The following MYLK4 variants were observed in gnomAD, a reference collection of about 807,000 sequenced individuals.
MYLK4 encodes the protein myosin light chain kinase family member 4, also known as caMLCK like.
Under a neutral mutation model 48.1 loss-of-function variants are expected in MYLK4, and 46 were observed. The ratio of observed to expected loss-of-function variants is 0.96; its 90% confidence interval spans 0.75 to 1.22. The LOEUF is 1.22. MYLK4 is among the 50% of genes most tolerant of loss of function. The pLI is 0.00. For synonymous variants in MYLK4, 170 were observed against 180.8 expected (o/e 0.94, Z 0.48); for missense variants, 451 against 486.1 (o/e 0.93, Z 0.68).
the MYLK4 span, among the ~76,000 whole-genome samples, chr6:2,759,738 A>G: frequency 6.6e-6 from 1 of 152,232 alleles, no homozygotes; most frequent in African/African-American, 2.4e-5. Context: ...TGTTTTTACC[A>G]TTCAACATGA....
the MYLK4 span, among the ~76,000 whole-genome samples, chr6:2,763,406 G>T: frequency 6.6e-6 from 1 of 152,232 alleles, no homozygotes; most frequent in African/African-American, 2.4e-5. Flanking sequence ...TCTCAGGGAG[G>T]CTTGGGCCGC....
chr6:2,763,802 A>T, the MYLK4 span, among the ~76,000 whole-genome samples: 46,784 of 151,806 alleles, frequency 0.31, 7,373 homozygotes, highest in East Asian at 0.41. Context: ...GCGAGGACTG[A>T]GAGGGCTGCC....
intron 7 of MYLK4, among the ~76,000 whole-genome samples, chr6:2,682,183 T>C (rs1439510483): frequency 6.6e-6 from 1 of 152,200 alleles, no homozygotes; most frequent in African/African-American, 2.4e-5. Context: ...TGGGATGTTA[T>C]ATAGATTGTA....
At chr6:2,768,779 A>T in the MYLK4 span, 1 of 1,614,050 alleles carries the variant, frequency 6.2e-7, no homozygotes, top group Admixed American at 1.7e-5. Context: ...AAGACAAATG[A>T]TGTGCGAGAT....
At chr6:2,766,099 G>C in the MYLK4 span, 1 of 1,317,928 alleles carries the variant, frequency 7.6e-7, no homozygotes, top group Non-Finnish European at 9.6e-7. Flanking sequence ...GCTGGGACGA[G>C]GCGGAGGCGC....
intron 10 of MYLK4, among the ~76,000 whole-genome samples, chr6:2,676,565 A>AC (rs748506781): frequency 7.9e-5 from 12 of 152,208 alleles, no homozygotes; most frequent in Non-Finnish European, 1.5e-4. Flanking sequence ...TTATTTCTGT[A>AC]CCCCAGAAAT....
the MYLK4 span, among the ~76,000 whole-genome samples, chr6:2,764,685 T>G: frequency 2.4e-4 from 36 of 152,290 alleles, no homozygotes; most frequent in African/African-American, 7.7e-4. Flanking sequence ...CATCATTTGG[T>G]TGCTAAGGAG....
intron 12 of MYLK4, among the ~76,000 whole-genome samples, chr6:2,669,336 G>A (rs1183519232): frequency 1.3e-5 from 2 of 152,202 alleles, no homozygotes; most frequent in Non-Finnish European, 2.9e-5. Context: ...CCATCGCTTC[G>A]TAGGCTGCTG....
the MYLK4 span, chr6:2,765,770 C>A: frequency 8.2e-6 from 12 of 1,465,378 alleles, no homozygotes; most frequent in Middle Eastern, 2.3e-4. Flanking sequence ...GCACGCGGAG[C>A]CCGCGGCCGG....
intron 6 of MYLK4, among the ~76,000 whole-genome samples, chr6:2,683,391 T>TTTTTTTTTTTTTGTG (rs556476421): frequency 7.9e-6 from 1 of 126,584 alleles, no homozygotes. Context: ...CCCCACCTTT[T>TTTTTTTTTTTTTGTG]TGTGTGTGTG....
intron 2 of MYLK4, among the ~76,000 whole-genome samples, chr6:2,737,982 G>GGC: frequency 1.7e-5 from 1 of 60,048 alleles, no homozygotes; most frequent in Non-Finnish European, 4.2e-5. Context: ...GGGGGCGGGT[G>GGC]GGGGGGGGGT....
Position 2,685,576 on chromosome 6 carries a change from T to C in MYLK4, c.342A>G (p.Gly114=). The C allele has an allele frequency of 6.2e-7, 1 of 1,614,094 alleles. No homozygotes were observed. The highest frequency in any genetic ancestry group is 8.5e-7 in the Non-Finnish European group (1 of 1,180,004). ...YTVSKTEILG[G]GRFGQVHKCE... ...ACTTGTGAACCTGGCCGAAACGCCC[T>C]CTGCCAAAAAGAGGAAGCGGCGTAG... The change falls in exon 5 of 13, where the codon GGA becomes GGG. Residue 114 remains glycine, a splice_region_variant and synonymous_variant. Coordinates refer to ENST00000274643, the MANE Select transcript of MYLK4 (RefSeq NM_001012418.5). The surrounding 1 kb of genome is among the most constrained non-coding windows in gnomAD (Gnocchi z 4.5).
At chr6:2,761,881 A>G in the MYLK4 span, among the ~76,000 whole-genome samples, 1 of 152,168 alleles carries the variant, frequency 6.6e-6, no homozygotes, top group Non-Finnish European at 1.5e-5. Flanking sequence ...CACAAGTAGA[A>G]AAAGGAAATG....
At chr6:2,740,111 C>A (rs1411392053) in intron 2 of MYLK4, among the ~76,000 whole-genome samples, 1 of 152,200 alleles carries the variant, frequency 6.6e-6, no homozygotes, top group Non-Finnish European at 1.5e-5. Context: ...GTTCAAAGCC[C>A]AGCTCTTTTG....
chr6:2,712,780 C>T (rs1762721483), intron 2 of MYLK4, among the ~76,000 whole-genome samples: 1 of 152,130 alleles, frequency 6.6e-6, no homozygotes, highest in African/African-American at 2.4e-5. Flanking sequence ...CTCTCTGCCC[C>T]CACTCAACAG....
At chr6:2,766,396 C>T in the MYLK4 span, 6 of 1,606,462 alleles carry the variant, frequency 3.7e-6, no homozygotes, top group Non-Finnish European at 5.1e-6. Context: ...TCCTGGAGAC[C>T]AACGAAATCC....
chr6:2,729,335 C>T (rs1763394273), intron 2 of MYLK4, among the ~76,000 whole-genome samples: 1 of 152,218 alleles, frequency 6.6e-6, no homozygotes, highest in Admixed American at 6.5e-5. Context: ...CAGGGACCAG[C>T]AAGCACATGG....
At chr6:2,747,141 G>C (rs545799364) in intron 2 of MYLK4, among the ~76,000 whole-genome samples, 21 of 152,332 alleles carry the variant, frequency 1.4e-4, no homozygotes, top group African/African-American at 5.1e-4. Context: ...ACGGAAGCCA[G>C]GAGGCCCAAG....
the MYLK4 span, among the ~76,000 whole-genome samples, chr6:2,767,465 C>T: frequency 6.6e-6 from 1 of 152,222 alleles, no homozygotes; most frequent in South Asian, 2.1e-4. Flanking sequence ...AAGCACACCC[C>T]CTTTAACTCC....
Sources: gnomAD v4.1 joint callset for allele counts (sites outside exome capture counted in the v4.1 genomes callset) on GRCh38, gnomAD v4.1.1 for gene constraint, Gnocchi (gnomAD v3.1) non-coding constraint, MANE v1.5 for transcripts, NCBI Gene and HGNC (gene_info 2026-07-23, HGNC 2026-07-21) for gene names.